Variants in ASCC2 observed in about 807,000 individuals in gnomAD.
The protein encoded by ASCC2 is activating signal cointegrator 1 complex subunit 2.
ASCC2 carries 42 observed loss-of-function variants against 93.5 expected under a neutral mutation model. The ratio of observed to expected loss-of-function variants is 0.45; its 90% CI spans 0.35 to 0.58. The LOEUF (loss-of-function observed/expected upper bound fraction) is 0.58. ASCC2 is among the 20% of genes least tolerant of loss of function. The pLI is 0.00. For missense variants in ASCC2, 859 were observed against 977.6 expected, an observed-to-expected ratio of 0.88 and a Z score of 1.62; for synonymous variants, 364 against 384.2, an observed-to-expected ratio of 0.95 and a Z score of 0.62.
At position 29,825,468 on chromosome 22, in the gene ASCC2, C is replaced by G. The variant is rs1395055114; in HGVS notation, c.240+154G>C. 1.7e-6 allele frequency: 2 copies of G among 1,207,244 alleles called. No individual in the cohort carries two copies. Among genetic ancestry groups the G allele is most frequent in the Admixed American group, 2.2e-5 (1 of 45,066 alleles). 74.8% of individuals were successfully genotyped at this position (1,207,244 alleles called of 1,614,324 possible). On this transcript the variant is annotated intron_variant, in intron 3 of 19. Transcript: ENST00000307790. The surrounding 1 kb of genome is among the most constrained non-coding windows in gnomAD (Gnocchi z 4.9). ...GTGTGTAAACATTAAGATTGTGATA[C>G]AAGACAGAGCAATCCGAACCACAAT...
intron 15 of ASCC2, among the ~76,000 whole-genome samples, chr22:29,794,697 T>C (rs2058200342): frequency 1.3e-5 from 2 of 152,324 alleles, no homozygotes; most frequent in Admixed American, 6.5e-5. Context: ...CTGTGCCACA[T>C]CTGTATTAGA....
chr22:29,809,608 G>A (rs1392890966), intron 8 of ASCC2, among the ~76,000 whole-genome samples: 1 of 151,894 alleles, frequency 6.6e-6, no homozygotes, highest in Non-Finnish European at 1.5e-5. Flanking sequence ...GGGAAACTCT[G>A]TCTCCACTAA....
intron 2 of ASCC2, among the ~76,000 whole-genome samples, chr22:29,826,325 T>C (rs2062315023): frequency 6.6e-6 from 1 of 151,856 alleles, no homozygotes; most frequent in Non-Finnish European, 1.5e-5. Flanking sequence ...TTTTGTTTTG[T>C]TTTGTTTTTG....
chr22:29,790,330 A>G, intron 19 of ASCC2, 139 bp downstream of exon 19: 2 of 786,534 alleles, frequency 2.5e-6, no homozygotes, highest in South Asian at 3.4e-5. Context: ...TGATAATGGT[A>G]GCTACTTCAC....
At chr22:29,793,544 T>C (rs2058046107) in intron 16 of ASCC2, 33 bp downstream of exon 16, 1 of 1,613,614 alleles carries the variant, frequency 6.2e-7, no homozygotes, top group Admixed American at 1.7e-5. Flanking sequence ...CTGGTTTCCC[T>C]GGCCCAGCAG....
intron 7 of ASCC2, among the ~76,000 whole-genome samples, chr22:29,813,815 C>T (rs557701893): frequency 6.6e-6 from 1 of 152,334 alleles, no homozygotes; most frequent in Non-Finnish European, 1.5e-5. Flanking sequence ...TAAGATAATA[C>T]AGTTCCCTCT....
At position 29,803,091 on chromosome 22, in the gene ASCC2, A is replaced by T. The variant is rs148291448; in HGVS notation, c.1354-883T>A. On this transcript the variant is annotated intron_variant, in intron 13 of 19. Coordinates refer to ENST00000307790, the MANE Select transcript of ASCC2 (RefSeq NM_032204.5). Reference sequence around the variant, plus strand: ...GTGAAACCCCATCTCTGCTAAAAAAAATACAAAAAATTAGCTGGGTGTGGT... The same window carrying T: ...GTGAAACCCCATCTCTGCTAAAAAATATACAAAAAATTAGCTGGGTGTGGT... Among the ~76,000 whole-genome samples, 815 of 152,092 alleles carry T rather than the reference A, an allele frequency of 5.4e-3. 2 individuals are homozygous for T. The highest frequency in any genetic ancestry group is 9.4e-3 in the Non-Finnish European group (636 of 67,994).
intron 10 of ASCC2, 43 bp downstream of exon 10, chr22:29,806,754 G>C: frequency 6.5e-7 from 1 of 1,537,422 alleles, no homozygotes; most frequent in Non-Finnish European, 9.0e-7. Context: ...GAAGGGCTTG[G>C]GGAGGAGACT....
Position 29,825,891 on chromosome 22 carries a change from G to A in ASCC2, c.82-111C>T. On this transcript the variant is annotated intron_variant, in intron 2 of 19. Transcript: ENST00000307790. The surrounding 1 kb of genome is among the most constrained non-coding windows in gnomAD (Gnocchi z 4.9). The stretch of plus-strand genomic sequence containing the variant: ...GCTGTTCCAACCGGTGACCCTCCAA[G>A]GAGCTTTTAAGCATAAAGAACCAAG... The A allele has an allele frequency of 7.5e-7, 1 of 1,331,482 alleles. No homozygotes were observed. Among genetic ancestry groups the A allele is most frequent in the Admixed American group, 2.3e-5 (1 of 43,432 alleles). 82.5% of individuals were successfully genotyped at this position (1,331,482 alleles called of 1,614,324 possible).
At chr22:29,815,855 G>T in intron 6 of ASCC2, 151 bp downstream of exon 6, 2 of 671,008 alleles carry the variant, frequency 3.0e-6, no homozygotes, top group Non-Finnish European at 5.1e-6. Context: ...TGTAGTCAGG[G>T]GTAAGACAAA....
intron 8 of ASCC2, among the ~76,000 whole-genome samples, chr22:29,809,166 T>TATTTGTA (rs1279665613): frequency 6.7e-6 from 1 of 149,084 alleles, no homozygotes; most frequent in African/African-American, 2.5e-5. Context: ...CTCAACACAA[T>TATTTGTA]ATTTGTATTT....
At chr22:29,801,409 A>G (rs1315320712) in intron 14 of ASCC2, among the ~76,000 whole-genome samples, 1 of 152,266 alleles carries the variant, frequency 6.6e-6, no homozygotes, top group Non-Finnish European at 1.5e-5. Flanking sequence ...TAATAGTCGC[A>G]TAAGATCAGT....
intron 9 of ASCC2, among the ~76,000 whole-genome samples, chr22:29,807,162 G>T (rs1323857726): frequency 6.8e-6 from 1 of 146,540 alleles, no homozygotes; most frequent in African/African-American, 2.6e-5. Context: ...GATCGCATTC[G>T]CCTGGGAGGT....
chr22:29,833,674 C>T (rs1211453387), intron 1 of ASCC2: 2 of 466,110 alleles, frequency 4.3e-6, no homozygotes, highest in African/African-American at 4.0e-5. Context: ...GTATTAGGCC[C>T]CTCAAAAAAC....
intron 2 of ASCC2, among the ~76,000 whole-genome samples, chr22:29,827,822 C>T (rs1400549867): frequency 7.6e-6 from 1 of 131,112 alleles, no homozygotes; most frequent in Non-Finnish European, 1.6e-5. Context: ...CACACACACA[C>T]ACACACACAT....
At chr22:29,803,585 T>G (rs1446424647) in intron 13 of ASCC2, among the ~76,000 whole-genome samples, 1 of 152,190 alleles carries the variant, frequency 6.6e-6, no homozygotes, top group Non-Finnish European at 1.5e-5. Context: ...TTACTGACGG[T>G]GGAGGCGAAC....
At position 29,806,909 on chromosome 22, in the gene ASCC2, G is replaced by T. The variant is rs149350095; in HGVS notation, c.909-5C>A. The stretch of plus-strand genomic sequence containing the variant: ...TGCCACAGGTCACCAAGAAGCCTAG[G>T]CCAGAGAGAAAAAAGACACAGGTTT... On this transcript the variant is annotated splice_polypyrimidine_tract_variant and splice_region_variant and intron_variant, in intron 9 of 19. Coordinates refer to ENST00000307790, the MANE Select transcript of ASCC2 (RefSeq NM_032204.5). 1.3e-3 allele frequency: 2,083 copies of T among 1,608,420 alleles called. 20 individuals carry two copies. In the South Asian group the frequency reaches 0.016, roughly 12 times the overall value.
chr22:29,827,856 GAC>G lies in ASCC2; in HGVS notation c.82-2078_82-2077del, dbSNP rs5844871. On this transcript the variant is annotated intron_variant, in intron 2 of 19. Coordinates refer to ENST00000307790, the MANE Select transcript of ASCC2 (RefSeq NM_032204.5). ...ATACACCCAGACTACTCATTCTCCT[GAC>G]ACACACACACACACACACACACCAG... Among the ~76,000 whole-genome samples, 87 of 43,118 alleles carry G rather than the reference GAC, an allele frequency of 2.0e-3. 10 individuals are homozygous for G. Among genetic ancestry groups the G allele is most frequent in the Middle Eastern group, 0.02 (1 of 50 alleles). The allele number at this position is 43,118 out of a possible 152,430, so 28.3% of individuals were successfully genotyped here.
At chr22:29,816,377 C>T (rs5763512) in intron 5 of ASCC2, among the ~76,000 whole-genome samples, 50,795 of 151,932 alleles carry the variant, frequency 0.33, 9,168 homozygotes, top group East Asian at 0.59. Flanking sequence ...CACTGATGTC[C>T]CCAGGGAGTG....
Sources: gnomAD v4.1 joint callset for allele counts (sites outside exome capture counted in the v4.1 genomes callset) on GRCh38, gnomAD v4.1.1 for gene constraint, Gnocchi (gnomAD v3.1) non-coding constraint, MANE v1.5 for transcripts, NCBI Gene and HGNC (gene_info 2026-07-23, HGNC 2026-07-21) for gene names.